The following SULT6B1 variants were observed in gnomAD, a reference collection of about 807,000 sequenced individuals.
SULT6B1 encodes the protein sulfotransferase family 6B member 1.
Under a neutral mutation model 37.2 loss-of-function variants are expected in SULT6B1, and 44 were observed. The observed-to-expected ratio is 1.18, with a 90% CI of 0.93 to 1.52. SULT6B1 has a LOEUF of 1.52. Among genes scored for constraint, SULT6B1 ranks in the 40% most tolerant of loss-of-function variants. The pLI is 0.00. For synonymous variants in SULT6B1, 140 were observed against 126.0 expected (o/e 1.11, Z -0.74); for missense variants, 450 against 361.0 (o/e 1.25, Z -2.00).
upstream of SULT6B1, among the ~76,000 whole-genome samples, chr2:37,193,602 A>AGAG (rs1487007025): frequency 1.1e-4 from 12 of 111,044 alleles, no homozygotes; most frequent in African/African-American, 4.5e-4. Context: ...AAGAAAAAGA[A>AGAG]GAAGAAGAAG....
chr2:37,180,065 C>T (rs1350996800), intron 3 of SULT6B1, among the ~76,000 whole-genome samples: 4 of 152,202 alleles, frequency 2.6e-5, no homozygotes, highest in Non-Finnish European at 1.5e-5. Context: ...TATCTGCCTT[C>T]TTTGATGAGG....
chr2:37,168,450 C>A (rs1395565825), intron 6 of SULT6B1, among the ~76,000 whole-genome samples: 1 of 152,134 alleles, frequency 6.6e-6, no homozygotes, highest in Non-Finnish European at 1.5e-5. Context: ...GCTACTGCGC[C>A]CAGCCAAAAG....
intron 3 of SULT6B1, among the ~76,000 whole-genome samples, chr2:37,182,737 A>G (rs757677814): frequency 6.6e-6 from 1 of 152,234 alleles, no homozygotes; most frequent in Non-Finnish European, 1.5e-5. Flanking sequence ...GAGAGGAAAC[A>G]GAAAGGGTTG....
chr2:37,169,123 G>A (rs550373118), intron 6 of SULT6B1, among the ~76,000 whole-genome samples: 5 of 152,186 alleles, frequency 3.3e-5, no homozygotes, highest in East Asian at 1.9e-4. Context: ...AATATCATAC[G>A]TTTTTAAAAC....
At chr2:37,181,607 C>G (rs1291150102) in intron 3 of SULT6B1, among the ~76,000 whole-genome samples, 1 of 141,878 alleles carries the variant, frequency 7.0e-6, no homozygotes, top group Non-Finnish European at 1.5e-5. Flanking sequence ...TCTTGAACTC[C>G]TGGGCTCAAG....
Position 37,175,239 on chromosome 2 carries a change from G to A in SULT6B1, c.530-13C>T, listed in dbSNP as rs766575087. The A allele has an allele frequency of 3.4e-6, 5 of 1,479,096 alleles. No individual in the cohort carries two copies. The highest frequency in any genetic ancestry group is 4.6e-6 in the Non-Finnish European group (5 of 1,084,616). 91.6% of individuals were successfully genotyped at this position (1,479,096 alleles called of 1,614,324 possible). On this transcript the variant is annotated splice_polypyrimidine_tract_variant and intron_variant, in intron 4 of 6. Coordinates refer to ENST00000535679, the MANE Select transcript of SULT6B1 (RefSeq NM_001367551.1). ...CTTCCCCAAGAAACTAAAAACACAG[G>A]GGGGAAGACTTTAAGAAATGTCAAA...
chr2:37,185,323 T>C (rs1397017098), intron 2 of SULT6B1, among the ~76,000 whole-genome samples: 1 of 152,194 alleles, frequency 6.6e-6, no homozygotes, highest in Non-Finnish European at 1.5e-5. Context: ...GAGCAAAGAC[T>C]AGATACCTTA....
At chr2:37,184,899 A>G (rs1558450596) in intron 2 of SULT6B1, among the ~76,000 whole-genome samples, 1 of 152,198 alleles carries the variant, frequency 6.6e-6, no homozygotes, top group Non-Finnish European at 1.5e-5. Flanking sequence ...ATGAAATTTT[A>G]AAAATAAAAC....
At chr2:37,192,330 T>C (rs920349125), upstream of SULT6B1, among the ~76,000 whole-genome samples, 4 of 152,216 alleles carry the variant, frequency 2.6e-5, no homozygotes, top group Admixed American at 2.6e-4. Context: ...TGTGTGTCAG[T>C]ACTTTTTAAT....
chr2:37,176,442 T>C (rs939631821), intron 4 of SULT6B1, among the ~76,000 whole-genome samples: 8 of 151,902 alleles, frequency 5.3e-5, no homozygotes, highest in African/African-American at 1.7e-4. Flanking sequence ...GTATTTTTGG[T>C]AGAGACGAGG....
Position 37,188,589 on chromosome 2 carries a change from A to G in SULT6B1, c.52T>C (p.Ser18Pro). 1 of 1,558,980 alleles carries G rather than the reference A, an allele frequency of 6.4e-7. No homozygotes were observed. Among genetic ancestry groups the G allele is most frequent in the Non-Finnish European group, 8.8e-7 (1 of 1,130,170 alleles). Residue 18 changes from serine to proline, a missense_variant, in exon 1 of 7, where the codon TCA becomes CCA. By Grantham distance (74) the Ser-to-Pro change is moderately conservative. Coordinates refer to ENST00000535679, the MANE Select transcript of SULT6B1 (RefSeq NM_001367551.1). ...IEYIDEALEK[S>P]KETALSHLFF... ...AAATGAGAGAGTGCAGTTTCTTTTGATTTTTCTAAAGCTTCGTCAATGTAT... is the reference window on the plus strand; with the variant it reads ...AAATGAGAGAGTGCAGTTTCTTTTGGTTTTTCTAAAGCTTCGTCAATGTAT...
chr2:37,177,429 A>G (rs958662492), intron 4 of SULT6B1, among the ~76,000 whole-genome samples: 4 of 145,368 alleles, frequency 2.8e-5, no homozygotes, highest in Non-Finnish European at 6.0e-5. Context: ...AAAAAAAAAA[A>G]AAAAGAAAGA....
intron 6 of SULT6B1, among the ~76,000 whole-genome samples, chr2:37,170,849 C>G (rs1415510131): frequency 1.3e-5 from 2 of 151,808 alleles, no homozygotes; most frequent in Non-Finnish European, 2.9e-5. Context: ...TATCTCCTAT[C>G]TGAATTTGAA....
chr2:37,174,672 C>T (rs1022059188), intron 5 of SULT6B1, among the ~76,000 whole-genome samples: 2 of 152,160 alleles, frequency 1.3e-5, no homozygotes, highest in Admixed American at 1.3e-4. Context: ...CTCCAACTGG[C>T]ATGTAAGTTA....
upstream of SULT6B1, among the ~76,000 whole-genome samples, chr2:37,193,646 A>AAGAAGAAGG (rs1558454991): frequency 4.9e-5 from 7 of 142,028 alleles, no homozygotes; most frequent in East Asian, 1.0e-3. Flanking sequence ...GAAGAAGAAG[A>AAGAAGAAGG]AGAAGGAGAA....
chr2:37,177,703 A>G lies in SULT6B1; in HGVS notation c.529+1755T>C, dbSNP rs74821355. On this transcript the variant is annotated intron_variant, in intron 4 of 6. Coordinates refer to ENST00000535679, the MANE Select transcript of SULT6B1 (RefSeq NM_001367551.1). ...ACCATATAATATTCGTTAAAAGAAT[A>G]GATTTTAGGTGCTCTTACTAAACAC... is the stretch of plus-strand genomic sequence containing the variant. Among the ~76,000 whole-genome samples, 3 of 152,346 alleles carry G rather than the reference A, an allele frequency of 2.0e-5. No individual in the cohort carries two copies. The East Asian group carries it at 5.8e-4, about 29-fold the overall frequency.
In SULT6B1 at chr2:37,187,445, A is replaced by G; in HGVS notation, c.222T>C (p.Ile74=). The change falls in exon 2 of 7, where the codon ATT becomes ATC. Residue 74 remains isoleucine, a synonymous_variant. Transcript: ENST00000535679. ...AAACAGCATATATTAATTCACTGAC[A>G]ATGTGGAGAATCCAGTTTGAACCTA... The part of the protein sequence containing the change: ...PKCGSNWILH[I]VSELIYAVSK... 1.2e-6 allele frequency: 2 copies of G among 1,600,364 alleles called. No homozygotes were observed. The highest frequency in any genetic ancestry group is 1.7e-6 in the Non-Finnish European group (2 of 1,170,132).
intron 2 of SULT6B1, among the ~76,000 whole-genome samples, 165 bp downstream of exon 2, chr2:37,187,190 G>A (rs1404731673): frequency 6.6e-6 from 1 of 152,186 alleles, no homozygotes; most frequent in Non-Finnish European, 1.5e-5. Context: ...TTATTTTGCA[G>A]AAAATGAGAT....
chr2:37,192,243 T>G (rs180718619), upstream of SULT6B1, among the ~76,000 whole-genome samples: 12 of 152,292 alleles, frequency 7.9e-5, no homozygotes, highest in East Asian at 1.4e-3. Flanking sequence ...TAAACATATG[T>G]AAACATATGG....
Sources: gnomAD v4.1 joint callset for allele counts (sites outside exome capture counted in the v4.1 genomes callset) on GRCh38, gnomAD v4.1.1 for gene constraint, MANE v1.5 for transcripts, NCBI Gene and HGNC (gene_info 2026-07-23, HGNC 2026-07-21) for gene names.